Variants in ZNF706 observed in about 807,000 individuals in gnomAD.
ZNF706 encodes transcriptional regulator ZNF706.
A neutral mutation model predicts 9.2 loss-of-function variants in ZNF706; 4 were observed. The observed-to-expected ratio is 0.43, with a 90% CI of 0.21 to 0.99. The LOEUF (loss-of-function observed/expected upper bound fraction) is 0.99, where lower values mean the gene tolerates loss of function less well. Among genes scored for constraint, ZNF706 ranks in the 50% least tolerant of loss-of-function variants. ZNF706 has a pLI of 0.26. For missense variants in ZNF706, 27 were observed against 87.8 expected (o/e 0.31, Z 2.77); for synonymous variants, 28 against 27.3 (o/e 1.03, Z -0.08).
rs1291054344 is a variant in ZNF706 at position 101,197,879 on chromosome 8, A to T, written c.*1373T>A. The T allele has an allele frequency of 6.6e-6, 1 of 152,234 alleles. No homozygotes were observed. The highest frequency in any genetic ancestry group is 1.5e-5 in the Non-Finnish European group (1 of 68,030). 9.4% of individuals were successfully genotyped at this position (152,234 alleles called of 1,614,324 possible). ...AGGTGGGCAAAATATGCAGAGCTACAAAACAAAGCAATGATAAGCTACAGC... is the reference window on the plus strand; with the variant it reads ...AGGTGGGCAAAATATGCAGAGCTACTAAACAAAGCAATGATAAGCTACAGC... On this transcript the variant is annotated 3_prime_UTR_variant, in exon 4 of 4. Coordinates refer to ENST00000311212, the MANE Select transcript of ZNF706 (RefSeq NM_016096.5).
intron 1 of ZNF706, among the ~76,000 whole-genome samples, chr8:101,202,035 G>A (rs1480294557): frequency 6.6e-6 from 1 of 152,034 alleles, no homozygotes; most frequent in South Asian, 2.1e-4. Flanking sequence ...AAAATGTTCT[G>A]AGTGCCCATT....
intron 1 of ZNF706, chr8:101,202,590 T>C (rs945732423): frequency 3.3e-5 from 5 of 152,132 alleles, no homozygotes; most frequent in Admixed American, 6.5e-5. Context: ...AGCTAATCTA[T>C]AGTGAAAGGG....
At chr8:101,202,250 C>T (rs1206043355) in intron 1 of ZNF706, 1 of 128,108 alleles carries the variant, frequency 7.8e-6, no homozygotes, top group Middle Eastern at 6.0e-3. Context: ...ACCAGCCTGG[C>T]CAAGATGGTG....
chr8:101,204,588 T>C (rs2054076234), intron 1 of ZNF706: 7 of 982,472 alleles, frequency 7.1e-6, no homozygotes, highest in Non-Finnish European at 8.5e-6. Context: ...CGTAGGCAGC[T>C]ACAACCGCTC....
Position 101,201,427 on chromosome 8 carries a change from CA to C in ZNF706, c.135+179del, listed in dbSNP as rs1162321572. The stretch of plus-strand genomic sequence containing the variant: ...GCACCTAGAGATTTTTGCCTGGCCA[CA>C]GGAGCCATTCAAAAAATATTTGTTT... On this transcript the variant is annotated intron_variant, in intron 2 of 3. Coordinates refer to ENST00000311212, the MANE Select transcript of ZNF706 (RefSeq NM_016096.5). The surrounding 1 kb of genome is among the most constrained non-coding windows in gnomAD (Gnocchi z 4.5). 3.3e-6 allele frequency: 2 copies of C among 605,670 alleles called. No homozygotes were observed. The allele number at this position is 605,670 out of a possible 1,614,324, so 37.5% of individuals were successfully genotyped here. A position where few individuals can be genotyped will look rare whatever the true frequency, so the allele number is the denominator to read the frequency against.
intron 1 of ZNF706, chr8:101,204,555 G>A (rs1038642276): frequency 2.5e-4 from 232 of 921,866 alleles, no homozygotes; most frequent in Non-Finnish European, 3.0e-4. Context: ...TTGCTCTCAA[G>A]CCAACACAAT....
At chr8:101,204,795 T>A (rs1367675666) in intron 1 of ZNF706, 1 of 985,246 alleles carries the variant, frequency 1.0e-6, no homozygotes, top group Non-Finnish European at 1.2e-6. Flanking sequence ...AAAACCAACA[T>A]AAATGAGTAA....
chr8:101,200,137 A>T, intron 2 of ZNF706, 40 bp from the exon 3 acceptor site: 1 of 1,493,238 alleles, frequency 6.7e-7, no homozygotes, highest in Non-Finnish European at 9.3e-7. Context: ...GACTTTATTT[A>T]TAAAATAAAA....
rs1810568143 is a variant in ZNF706 at position 101,201,804 on chromosome 8, C to T, written c.-2-61G>A. 6.5e-7 allele frequency: 1 copy of T among 1,531,586 alleles called. No individual in the cohort carries two copies. The highest frequency in any genetic ancestry group is 1.4e-5 in the African/African-American group (1 of 71,710). 94.9% of individuals were successfully genotyped at this position (1,531,586 alleles called of 1,614,324 possible). ...TTACTCTAATACAGAGTAATCAAAG[C>T]ATAAGAACGTTCTTAGAATTGAAGC... is the stretch of plus-strand genomic sequence containing the variant. On this transcript the variant is annotated intron_variant, in intron 1 of 3. Transcript: ENST00000311212. The surrounding 1 kb of genome is among the most constrained non-coding windows in gnomAD (Gnocchi z 4.5).
chr8:101,204,990 C>T, intron 1 of ZNF706: 1 of 978,012 alleles, frequency 1.0e-6, no homozygotes, highest in Non-Finnish European at 1.2e-6. Context: ...CAGCTTCAGC[C>T]TGGCGCACCT....
At chr8:101,202,913 A>C (rs1342975410) in intron 1 of ZNF706, 2 of 152,232 alleles carry the variant, frequency 1.3e-5, no homozygotes, top group Non-Finnish European at 2.9e-5. Flanking sequence ...AGACCTCAGA[A>C]ATAGGTGGAA....
intron 1 of ZNF706, chr8:101,203,131 T>C (rs147002377): frequency 6.6e-6 from 1 of 152,278 alleles, no homozygotes; most frequent in Non-Finnish European, 1.5e-5. Flanking sequence ...ATACCACTTT[T>C]TGTTACCGAT....
chr8:101,201,686 G>C lies in ZNF706; in HGVS notation c.56C>G (p.Ala19Gly), dbSNP rs1810561153. 1 of 1,613,674 alleles carries C rather than the reference G, an allele frequency of 6.2e-7. No individual in the cohort carries two copies. The highest frequency in any genetic ancestry group is 1.1e-5 in the South Asian group (1 of 91,062). Residue 19 changes from alanine (A) to glycine (G), a missense_variant, in exon 2 of 4, where the codon GCT becomes GGT. By Grantham distance (60) the Ala-to-Gly change is moderately conservative. Coordinates refer to ENST00000311212, the MANE Select transcript of ZNF706 (RefSeq NM_016096.5). This position sits in a 1 kb window ranked among gnomAD's most constrained non-coding sequence, Gnocchi z 4.5. The stretch of plus-strand genomic sequence containing the variant: ...ATGTCCTTGTTTCTTCTTTTGTCCA[G>C]CTTGCTTTTTGGCATTTTTCTGCTG... ...QSQQKNAKKQ[A>G]GQKKKQGHDQ...
chr8:101,203,052 C>T (rs930744063), intron 1 of ZNF706: 3 of 152,104 alleles, frequency 2.0e-5, no homozygotes, highest in South Asian at 2.1e-4. Context: ...AGTTTCTTTG[C>T]TCTCTAGACG....
rs961640005 is a variant in ZNF706, at chr8:101,198,532, A to T, written c.*720T>A. The T allele has an allele frequency of 6.6e-6, 1 of 152,182 alleles. No individual in the cohort carries two copies. Among genetic ancestry groups the T allele is most frequent in the African/African-American group, 2.4e-5 (1 of 41,434 alleles). The allele number at this position is 152,182 out of a possible 1,614,324, so 9.4% of individuals were successfully genotyped here. ...TATTTCATTACGGCATATACATTAG[A>T]ACCTAACCTTTCACAAGGGCTCACT... is the stretch of plus-strand genomic sequence containing the variant. On this transcript the variant is annotated 3_prime_UTR_variant, in exon 4 of 4. Transcript: ENST00000311212.
In ZNF706 at chr8:101,200,032, A is replaced by G. The variant is rs920710216; in HGVS notation, c.201T>C (p.Leu67=). ...HFESKHPKTP[L]PPELADVQA is the part of the protein sequence containing the mutation. ...CCTGAACATCAGCTAATTCTGGAGG[A>G]AGTGGAGTCTTAGGATGCTTGCTCT... Residue 67 remains leucine (L), a synonymous_variant, in exon 3 of 4, where the codon CTT becomes CTC. Transcript: ENST00000311212. The G allele has an allele frequency of 1.9e-6, 3 of 1,611,966 alleles. No individual in the cohort carries two copies.
Position 101,201,893 on chromosome 8 carries a change from A to G in ZNF706, c.-2-150T>C, listed in dbSNP as rs1810571044. ...TAGGTATTAAAATTCCCACATATAAATGCTACAAAAGTATCAATTGACACA... is the reference window on the plus strand; with the variant it reads ...TAGGTATTAAAATTCCCACATATAAGTGCTACAAAAGTATCAATTGACACA... On this transcript the variant is annotated intron_variant, in intron 1 of 3. Transcript: ENST00000311212. This position sits in a 1 kb window ranked among gnomAD's most constrained non-coding sequence, Gnocchi z 4.5. The G allele has an allele frequency of 3.5e-6, 3 of 849,066 alleles. No homozygotes were observed. The highest frequency in any genetic ancestry group is 5.3e-6 in the Non-Finnish European group (3 of 565,950). 52.6% of individuals were successfully genotyped at this position (849,066 alleles called of 1,614,324 possible).
Position 101,199,007 on chromosome 8 carries a change from T to C in ZNF706, c.*245A>G. The C allele has an allele frequency of 2.4e-6, 1 of 420,872 alleles. No individual in the cohort carries two copies. The highest frequency in any genetic ancestry group is 2.0e-5 in the African/African-American group (1 of 50,048). The allele number at this position is 420,872 out of a possible 1,614,324, so 26.1% of individuals were successfully genotyped here. A position where few individuals can be genotyped will look rare whatever the true frequency, so the allele number is the denominator to read the frequency against. Reference sequence around the variant, plus strand: ...ATATGAACATCAATATAATTACAATTGTAAAAAAATTTTTTATAACAAGGA... The same window carrying C: ...ATATGAACATCAATATAATTACAATCGTAAAAAAATTTTTTATAACAAGGA... On this transcript the variant is annotated 3_prime_UTR_variant, in exon 4 of 4. Coordinates refer to ENST00000311212, the MANE Select transcript of ZNF706 (RefSeq NM_016096.5).
chr8:101,203,551 C>T (rs1810641442), intron 1 of ZNF706: 1 of 152,078 alleles, frequency 6.6e-6, no homozygotes, highest in Non-Finnish European at 1.5e-5. Context: ...TGGAGAAGTT[C>T]CCACTAGCAT....
Sources: gnomAD v4.1 joint callset for allele counts (sites outside exome capture counted in the v4.1 genomes callset) on GRCh38, gnomAD v4.1.1 for gene constraint, Gnocchi (gnomAD v3.1) non-coding constraint, MANE v1.5 for transcripts, NCBI Gene and HGNC (gene_info 2026-07-23, HGNC 2026-07-21) for gene names.